The following TRIM33 variants were observed in gnomAD, a reference collection of about 807,000 sequenced individuals.
The protein encoded by TRIM33 is E3 ubiquitin-protein ligase TRIM33.
In TRIM33, 20 loss-of-function variants were observed where a neutral mutation model predicts 125.4. That is an observed-to-expected ratio of 0.16 (90% CI 0.11 to 0.23). The LOEUF is 0.23. Ranked by LOEUF, TRIM33 falls within the 10% of genes least tolerant of loss-of-function variation. TRIM33 has a pLI of 1.00. For synonymous variants in TRIM33, 564 were observed against 513.9 expected (o/e 1.10, Z -1.32); for missense variants, 920 against 1,411.4 (o/e 0.65, Z 5.58).
intron 5 of TRIM33, among the ~76,000 whole-genome samples, chr1:114,431,915 G>C (rs1014308028): frequency 1.1e-4 from 17 of 152,306 alleles, no homozygotes; most frequent in African/African-American, 4.1e-4. Flanking sequence ...TTGGGCTGAA[G>C]ATAGAAATCA....
intron 1 of TRIM33, among the ~76,000 whole-genome samples, chr1:114,474,822 G>A (rs538405311): frequency 6.6e-6 from 1 of 151,258 alleles, no homozygotes; most frequent in South Asian, 2.1e-4. Context: ...AACCCAGGAG[G>A]TGGAGGTTGT....
intron 1 of TRIM33, among the ~76,000 whole-genome samples, chr1:114,495,395 GAAACAAGGAT>G (rs1297926621): frequency 6.6e-6 from 1 of 151,978 alleles, no homozygotes; most frequent in Admixed American, 6.6e-5. Context: ...GTTTAAAAAA[GAAACAAGGAT>G]AATATTATCA....
chr1:114,454,425 C>T (rs905556883), intron 4 of TRIM33, among the ~76,000 whole-genome samples: 2 of 152,052 alleles, frequency 1.3e-5, no homozygotes, highest in Admixed American at 6.6e-5. Context: ...GTGGCTCATG[C>T]CTATATACCA....
intron 1 of TRIM33, among the ~76,000 whole-genome samples, chr1:114,487,002 A>G (rs979494390): frequency 4.8e-4 from 72 of 151,532 alleles, no homozygotes; most frequent in African/African-American, 1.7e-3. Context: ...CAGGCGAATC[A>G]CTTGAACCCA....
At chr1:114,404,094 T>C (rs1436802673) in intron 15 of TRIM33, among the ~76,000 whole-genome samples, 1 of 152,208 alleles carries the variant, frequency 6.6e-6, no homozygotes, top group East Asian at 1.9e-4. Context: ...TAGAGAGATA[T>C]ATACATAGAT....
At chr1:114,490,105 G>GAAAAAAAAAAAAAAAAAAAAAAAAA in intron 1 of TRIM33, among the ~76,000 whole-genome samples, 1 of 100,456 alleles carries the variant, frequency 1.0e-5, no homozygotes, top group Non-Finnish European at 1.9e-5. Flanking sequence ...AAAAAAAAAA[G>GAAAAAAAAAAAAAAAAAAAAAAAAA]AAAAGGAAAG....
chr1:114,414,989 A>ATTTTTG (rs1652840774), intron 11 of TRIM33, among the ~76,000 whole-genome samples: 1 of 104,702 alleles, frequency 9.6e-6, no homozygotes, highest in Non-Finnish European at 1.9e-5. Flanking sequence ...GGTAGATTCT[A>ATTTTTG]TTTTTTTTTT....
intron 12 of TRIM33, among the ~76,000 whole-genome samples, chr1:114,409,194 G>C (rs1305083641): frequency 2.6e-5 from 4 of 152,048 alleles, no homozygotes; most frequent in African/African-American, 9.7e-5. Context: ...GTGTGTTTCA[G>C]TAAGAAAAAA....
At chr1:114,414,688 C>G (rs1261771793) in intron 11 of TRIM33, among the ~76,000 whole-genome samples, 1 of 152,136 alleles carries the variant, frequency 6.6e-6, no homozygotes, top group Non-Finnish European at 1.5e-5. Flanking sequence ...TTTAAAAAAT[C>G]TATAAATGTC....
At chr1:114,415,060 T>A (rs1193149962) in intron 11 of TRIM33, among the ~76,000 whole-genome samples, 1 of 140,848 alleles carries the variant, frequency 7.1e-6, no homozygotes, top group African/African-American at 2.7e-5. Context: ...AGTGGCACGA[T>A]CACGGCTCAC....
chr1:114,439,849 C>A (rs1648546101), intron 4 of TRIM33, among the ~76,000 whole-genome samples: 1 of 152,114 alleles, frequency 6.6e-6, no homozygotes. Context: ...AAACAGATTT[C>A]TTGATGGAAA....
Position 114,399,612 on chromosome 1 carries a change from A to G in TRIM33, c.2968-3T>C. The G allele has an allele frequency of 6.3e-7, 1 of 1,590,536 alleles. No homozygotes were observed. The highest frequency in any genetic ancestry group is 8.6e-7 in the Non-Finnish European group (1 of 1,166,008). On this transcript the variant is annotated splice_polypyrimidine_tract_variant and splice_region_variant and intron_variant, in intron 17 of 19. Coordinates refer to ENST00000358465, the MANE Select transcript of TRIM33 (RefSeq NM_015906.4). Reference sequence around the variant, plus strand: ...ATAATTTTATAGTAGTTTGGTATCTAAAATAAGCACATAATGGCAAATAAG... The same window carrying G: ...ATAATTTTATAGTAGTTTGGTATCTGAAATAAGCACATAATGGCAAATAAG...
intron 4 of TRIM33, among the ~76,000 whole-genome samples, chr1:114,441,155 A>C (rs1430512351): frequency 6.6e-6 from 1 of 152,200 alleles, no homozygotes; most frequent in East Asian, 1.9e-4. Context: ...AAAACATTTT[A>C]AAAAATGACT....
intron 5 of TRIM33, among the ~76,000 whole-genome samples, chr1:114,432,582 C>G (rs1572048407): frequency 2.0e-5 from 3 of 152,144 alleles, no homozygotes; most frequent in African/African-American, 4.8e-5. Flanking sequence ...GTCAGGAGAT[C>G]AAGACCATCC....
chr1:114,408,720 G>C lies in TRIM33; in HGVS notation c.2215C>G (p.Pro739Ala). 1 of 1,603,188 alleles carries C rather than the reference G, an allele frequency of 6.2e-7. No homozygotes were observed. The highest frequency in any genetic ancestry group is 8.5e-7 in the Non-Finnish European group (1 of 1,173,492). The change falls in exon 13 of 20, where the codon CCT becomes GCT. Residue 739 changes from proline to alanine, a missense_variant. Coordinates refer to ENST00000358465, the MANE Select transcript of TRIM33 (RefSeq NM_015906.4). The stretch of plus-strand genomic sequence containing the variant: ...CTAGAAGTACTTGGGGGTCTCACAG[G>C]TGTGTGAGAATTGGATAAACCTAAA... ...GSSGLSNSHT[P>A]VRPPSTSSTG...
At chr1:114,417,674 T>C (rs951557883) in intron 11 of TRIM33, among the ~76,000 whole-genome samples, 4 of 152,196 alleles carry the variant, frequency 2.6e-5, no homozygotes, top group African/African-American at 4.8e-5. Context: ...TTTATTTTTC[T>C]TGAGATAGAG....
chr1:114,463,664 A>T, intron 2 of TRIM33, 108 bp from the exon 3 acceptor site: 1 of 681,420 alleles, frequency 1.5e-6, no homozygotes, highest in Non-Finnish European at 2.4e-6. Context: ...ACAGAATAAA[A>T]TTATTTTGTT....
At chr1:114,454,094 C>A (rs537720381) in intron 4 of TRIM33, among the ~76,000 whole-genome samples, 1 of 152,198 alleles carries the variant, frequency 6.6e-6, no homozygotes, top group Non-Finnish European at 1.5e-5. Context: ...CTTGATCTTA[C>A]AAGTGGTGTC....
chr1:114,504,558 T>TA (rs1652890697), intron 1 of TRIM33, among the ~76,000 whole-genome samples: 1 of 152,170 alleles, frequency 6.6e-6, no homozygotes, highest in Non-Finnish European at 1.5e-5. Flanking sequence ...ATTATGAAAA[T>TA]AGTTTTAAAC....
Sources: allele counts gnomAD v4.1 joint callset (sites outside exome capture counted in the v4.1 genomes callset), GRCh38; gene constraint gnomAD v4.1.1; transcripts MANE v1.5; gene names NCBI Gene and HGNC (gene_info 2026-07-23, HGNC 2026-07-21).